The following RANBP3L variants were observed in gnomAD, a reference collection of about 807,000 sequenced individuals.
The protein encoded by RANBP3L is ran-binding protein 3-like.
In RANBP3L, 56 loss-of-function variants were observed where a neutral mutation model predicts 67.2. The ratio of observed to expected loss-of-function variants is 0.83; its 90% CI spans 0.67 to 1.04. The LOEUF is 1.04. RANBP3L is among the 50% of genes least tolerant of loss of function. The pLI, the probability that RANBP3L is intolerant of heterozygous loss-of-function variation, is 0.00. For synonymous variants in RANBP3L, 164 were observed against 181.4 expected, an observed-to-expected ratio of 0.90 and a Z score of 0.77; for missense variants, 496 against 535.5, an observed-to-expected ratio of 0.93 and a Z score of 0.73.
At chr5:36,280,391 G>A (rs1750890693) in intron 1 of RANBP3L, among the ~76,000 whole-genome samples, 1 of 152,100 alleles carries the variant, frequency 6.6e-6, no homozygotes, top group African/African-American at 2.4e-5. Context: ...CATAGCCAGT[G>A]ACTTAATTTC....
At position 36,268,345 on chromosome 5, in the gene RANBP3L, G is replaced by A. The variant is rs538295888; in HGVS notation, c.268+1045C>T. 661 of 999,108 alleles carry A rather than the reference G, an allele frequency of 6.6e-4. 4 individuals are homozygous for A. In the African/African-American group the frequency reaches 0.01, roughly 15 times the overall value. The allele number at this position is 999,108 out of a possible 1,614,324, so 61.9% of individuals were successfully genotyped here. On this transcript the variant is annotated intron_variant, in intron 4 of 13. Coordinates refer to ENST00000296604, the MANE Select transcript of RANBP3L (RefSeq NM_145000.5). ...TTTTCATTTGGAGTTTTGCTGTTTT[G>A]GAAAAATTTCTGTATCACTAATTTA...
chr5:36,282,655 T>C (rs1751048639), intron 1 of RANBP3L, among the ~76,000 whole-genome samples: 1 of 152,200 alleles, frequency 6.6e-6, no homozygotes, highest in Non-Finnish European at 1.5e-5. Flanking sequence ...TGTTTCTCCA[T>C]TTCCACAGGA....
chr5:36,268,539 T>C (rs1381752615), intron 4 of RANBP3L, among the ~76,000 whole-genome samples: 1 of 152,120 alleles, frequency 6.6e-6, no homozygotes, highest in African/African-American at 2.4e-5. Flanking sequence ...AGGAAAAATA[T>C]ATACATAGAT....
intron 1 of RANBP3L, among the ~76,000 whole-genome samples, chr5:36,290,512 C>T (rs1182717202): frequency 2.6e-5 from 4 of 151,716 alleles, no homozygotes; most frequent in South Asian, 2.1e-4. Context: ...CCACCGCACC[C>T]GGCCATATCT....
intron 1 of RANBP3L, among the ~76,000 whole-genome samples, chr5:36,291,516 A>G (rs1183899757): frequency 6.6e-6 from 1 of 152,092 alleles, no homozygotes; most frequent in Non-Finnish European, 1.5e-5. Context: ...GTCATCTAGC[A>G]TTAGGTATAT....
At chr5:36,257,636 C>G (rs1327071358) in intron 8 of RANBP3L, 80 bp from the exon 9 acceptor site, 1 of 593,122 alleles carries the variant, frequency 1.7e-6, no homozygotes, top group Non-Finnish European at 2.9e-6. Flanking sequence ...TAAGACACTT[C>G]CGTTTTTCTG....
chr5:36,284,310 G>A (rs1751183194), intron 1 of RANBP3L, among the ~76,000 whole-genome samples: 1 of 151,200 alleles, frequency 6.6e-6, no homozygotes, highest in South Asian at 2.1e-4. Flanking sequence ...GTGATCATTG[G>A]GTAGAAGGAA....
At chr5:36,283,072 CTG>C (rs1194909574) in intron 1 of RANBP3L, among the ~76,000 whole-genome samples, 1 of 152,050 alleles carries the variant, frequency 6.6e-6, no homozygotes, top group East Asian at 1.9e-4. Context: ...CCCAGGAAAA[CTG>C]AAAACAGTCC....
Position 36,252,336 on chromosome 5 carries a change from G to A in RANBP3L, c.1168-837C>T, listed in dbSNP as rs114653716. 4.0e-3 allele frequency among the ~76,000 whole-genome samples: 601 copies of A among 152,084 alleles called. 4 individuals are homozygous for A. The highest frequency in any genetic ancestry group is 0.014 in the African/African-American group (562 of 41,508). On this transcript the variant is annotated intron_variant, in intron 12 of 13. Coordinates refer to ENST00000296604, the MANE Select transcript of RANBP3L (RefSeq NM_145000.5). ...ATAGAATAGAATTATTTCACCTACT[G>A]AAACAATTTTTGAAGAATAAACTAA...
chr5:36,261,615 A>C (rs1468725483), intron 7 of RANBP3L, among the ~76,000 whole-genome samples: 1 of 152,220 alleles, frequency 6.6e-6, no homozygotes, highest in African/African-American at 2.4e-5. Flanking sequence ...AAAGAAAAAA[A>C]TGCTAGAGAG....
intron 13 of RANBP3L, among the ~76,000 whole-genome samples, chr5:36,251,046 T>G (rs1458213042): frequency 6.6e-6 from 1 of 152,116 alleles, no homozygotes; most frequent in Non-Finnish European, 1.5e-5. Context: ...GAAGGGTTAA[T>G]TTCAGGGTAG....
At position 36,265,457 on chromosome 5, in the gene RANBP3L, G is replaced by T. The variant is rs35433829; in HGVS notation, c.332C>A (p.Ala111Asp). 4,789 of 1,590,928 alleles carry T rather than the reference G, an allele frequency of 3.0e-3. 131 individuals are homozygous for T. The African/African-American group carries it at 0.058, about 19-fold the overall frequency. ...AAATAGAAGCTACATACCTTGTTCA[G>T]CACTCTTTATATCAACACTACTTTG... Reference protein sequence around the residue: ...LVQSSVDIKSAEQGPVKHSKH... With the variant: ...LVQSSVDIKSDEQGPVKHSKH... Residue 111 changes from alanine (A) to aspartate (D), a missense_variant, in exon 5 of 14, where the codon GCT becomes GAT. Transcript: ENST00000296604.
At chr5:36,300,178 C>T (rs2112197665) in intron 1 of RANBP3L, among the ~76,000 whole-genome samples, 1 of 152,300 alleles carries the variant, frequency 6.6e-6, no homozygotes, top group East Asian at 1.9e-4. Flanking sequence ...GAGCATTTTA[C>T]AGTGCTATGC....
intron 1 of RANBP3L, among the ~76,000 whole-genome samples, chr5:36,283,752 A>G (rs529742542): frequency 6.6e-6 from 1 of 152,286 alleles, no homozygotes; most frequent in South Asian, 2.1e-4. Context: ...AAAATCTGAA[A>G]TATGGTTTTT....
chr5:36,290,402 A>C (rs1751641741), intron 1 of RANBP3L, among the ~76,000 whole-genome samples: 1 of 151,252 alleles, frequency 6.6e-6, no homozygotes, highest in South Asian at 2.1e-4. Context: ...TTTTTAGTAG[A>C]GATGGGGTTT....
chr5:36,260,655 T>C lies in RANBP3L; in HGVS notation c.669+125A>G. ...AATCTTTCCAGTTAAAGAAAGAAAA[T>C]GTGCGTTTGAACTCAGGAGTTAAAA... On this transcript the variant is annotated intron_variant, in intron 8 of 13. Coordinates refer to ENST00000296604, the MANE Select transcript of RANBP3L (RefSeq NM_145000.5). 2 of 556,472 alleles carry C rather than the reference T, an allele frequency of 3.6e-6. 1 individual carries two copies. Among genetic ancestry groups the C allele is most frequent in the South Asian group, 4.9e-5 (2 of 40,744 alleles). The allele number at this position is 556,472 out of a possible 1,614,324, so 34.5% of individuals were successfully genotyped here.
chr5:36,265,189 AGTCATGT>A, intron 5 of RANBP3L, 91 bp from the exon 6 acceptor site: 2 of 894,174 alleles, frequency 2.2e-6, no homozygotes, highest in Non-Finnish European at 3.2e-6. Flanking sequence ...TATTTTCTAA[AGTCATGT>A]TTAAATGAGG....
chr5:36,248,438 A>T lies in RANBP3L; in HGVS notation c.*1216T>A, dbSNP rs548027839. 1 of 152,314 alleles carries T rather than the reference A, an allele frequency of 6.6e-6. No homozygotes were observed. The highest frequency in any genetic ancestry group is 2.1e-4 in the South Asian group (1 of 4,832). 9.4% of individuals were successfully genotyped at this position (152,314 alleles called of 1,614,324 possible). Reference sequence around the variant, plus strand: ...ACTTTCAGGCAGTAGCTGAAGTTTGACTTAATAAATACTTATATATTTTTA... The same window carrying T: ...ACTTTCAGGCAGTAGCTGAAGTTTGTCTTAATAAATACTTATATATTTTTA... On this transcript the variant is annotated 3_prime_UTR_variant, in exon 14 of 14. Transcript: ENST00000296604.
intron 1 of RANBP3L, among the ~76,000 whole-genome samples, chr5:36,276,486 G>A (rs563423072): frequency 9.1e-4 from 107 of 117,084 alleles, no homozygotes; most frequent in African/African-American, 3.1e-3. Context: ...TCATAGGTAT[G>A]TATAGGGGAA....
Sources: gnomAD v4.1 joint callset for allele counts (sites outside exome capture counted in the v4.1 genomes callset) on GRCh38, gnomAD v4.1.1 for gene constraint, MANE v1.5 for transcripts, NCBI Gene and HGNC (gene_info 2026-07-23, HGNC 2026-07-21) for gene names.